The following SLC14A2 variants were observed in gnomAD, a reference collection of about 807,000 sequenced individuals.
SLC14A2 encodes solute carrier family 14 member 2.
In SLC14A2, 91 loss-of-function variants were observed where a neutral mutation model predicts 104.6. That is an observed-to-expected ratio of 0.87 (90% CI 0.73 to 1.04). The LOEUF (loss-of-function observed/expected upper bound fraction) is 1.04, where lower values mean the gene tolerates loss of function less well. Among genes scored for constraint, SLC14A2 ranks in the 50% least tolerant of loss-of-function variants. The probability of loss-of-function intolerance (pLI) is 0.00; values close to 1 mark genes in which losing one functional copy is unlikely to be tolerated. For missense variants in SLC14A2, 1,189 were observed against 1,156.0 expected (o/e 1.03, Z -0.41); for synonymous variants, 476 against 466.4 (o/e 1.02, Z -0.27).
Position 45,282,627 on chromosome 18 carries a change from C to T in SLC14A2, c.-125+69436C>T, listed in dbSNP as rs544446962. ...GGCCAGGCTTATCTACCCTGGAGCA[C>T]ATCTGCACATCTAGGAGACACCACC... On this transcript the variant is annotated intron_variant, in intron 1 of 20. Transcript: ENST00000586448. 2.0e-5 allele frequency among the ~76,000 whole-genome samples: 3 copies of T among 152,292 alleles called. No individual in the cohort carries two copies. In the South Asian group the frequency reaches 6.2e-4, roughly 32 times the overall value.
intron 1 of SLC14A2, among the ~76,000 whole-genome samples, chr18:45,409,856 T>C (rs919563736): frequency 1.2e-4 from 18 of 152,214 alleles, no homozygotes; most frequent in African/African-American, 4.3e-4. Context: ...GGTTTTAGGA[T>C]GATTCAAGCA....
chr18:45,261,840 C>A (rs2084541686), intron 1 of SLC14A2, among the ~76,000 whole-genome samples: 1 of 152,170 alleles, frequency 6.6e-6, no homozygotes, highest in Non-Finnish European at 1.5e-5. Context: ...CAAGTCTTTG[C>A]TATTGTGAAT....
At chr18:45,414,008 C>A (rs1223041981) in intron 1 of SLC14A2, among the ~76,000 whole-genome samples, 1 of 151,902 alleles carries the variant, frequency 6.6e-6, no homozygotes, top group Non-Finnish European at 1.5e-5. Flanking sequence ...ACCTGTGCCT[C>A]GTACAAAAAA....
intron 2 of SLC14A2, among the ~76,000 whole-genome samples, chr18:45,557,101 C>T (rs1029443096): frequency 6.6e-6 from 1 of 152,220 alleles, no homozygotes; most frequent in Non-Finnish European, 1.5e-5. Flanking sequence ...GCTTGTTGTA[C>T]AGTTCTCAGG....
intron 2 of SLC14A2, among the ~76,000 whole-genome samples, chr18:45,524,693 A>G (rs2043566342): frequency 6.6e-6 from 1 of 152,218 alleles, no homozygotes; most frequent in Admixed American, 6.5e-5. Flanking sequence ...GACAATCTTC[A>G]TGGAAAGAAC....
intron 1 of SLC14A2, among the ~76,000 whole-genome samples, chr18:45,315,564 C>T (rs1345331535): frequency 2.0e-5 from 3 of 152,078 alleles, no homozygotes; most frequent in African/African-American, 7.2e-5. Context: ...CCTGAGCAAC[C>T]CCCATCCCTA....
At chr18:45,328,079 G>GA (rs901998328) in intron 1 of SLC14A2, among the ~76,000 whole-genome samples, 50 of 151,178 alleles carry the variant, frequency 3.3e-4, no homozygotes, top group African/African-American at 6.8e-4. Context: ...CAAAGTGGAA[G>GA]AAAAAAAAAT....
the SLC14A2 span, among the ~76,000 whole-genome samples, chr18:45,206,209 A>C: frequency 6.6e-6 from 1 of 152,190 alleles, no homozygotes; most frequent in Non-Finnish European, 1.5e-5. Flanking sequence ...GTAGTGTTCC[A>C]TGTAGCCCCT....
At chr18:45,584,636 G>A (rs888789952) in intron 2 of SLC14A2, among the ~76,000 whole-genome samples, 1 of 152,170 alleles carries the variant, frequency 6.6e-6, no homozygotes, top group Non-Finnish European at 1.5e-5. Flanking sequence ...GCCTCAAGGT[G>A]GCGAATGTAG....
intron 2 of SLC14A2, among the ~76,000 whole-genome samples, chr18:45,540,479 A>G (rs2043868947): frequency 1.3e-5 from 2 of 152,166 alleles, no homozygotes; most frequent in Admixed American, 1.3e-4. Flanking sequence ...GCGGTGGCTC[A>G]TACCTGTAAT....
At chr18:45,254,937 G>A (rs539867147) in intron 1 of SLC14A2, among the ~76,000 whole-genome samples, 5 of 152,268 alleles carry the variant, frequency 3.3e-5, no homozygotes, top group African/African-American at 7.2e-5. Flanking sequence ...CATTTACTCC[G>A]ATTGATTCCA....
At chr18:45,444,612 G>A (rs1568207921) in intron 1 of SLC14A2, among the ~76,000 whole-genome samples, 1 of 152,224 alleles carries the variant, frequency 6.6e-6, no homozygotes, top group East Asian at 1.9e-4. Flanking sequence ...AGTGTGGAAA[G>A]GCACTATCAT....
At chr18:45,328,829 C>T (rs1207239862) in intron 1 of SLC14A2, among the ~76,000 whole-genome samples, 3 of 152,292 alleles carry the variant, frequency 2.0e-5, no homozygotes, top group South Asian at 2.1e-4. Context: ...TCTTATAATA[C>T]GTTCCAAACC....
At chr18:45,646,619 G>A (rs2045631233) in intron 10 of SLC14A2, 1 of 152,130 alleles carries the variant, frequency 6.6e-6, no homozygotes, top group South Asian at 2.1e-4. Flanking sequence ...TATTTCAGCT[G>A]ATTTGGACAA....
chr18:45,405,162 C>T (rs544573729), intron 1 of SLC14A2, among the ~76,000 whole-genome samples: 8 of 152,240 alleles, frequency 5.3e-5, no homozygotes, highest in Non-Finnish European at 8.8e-5. Context: ...GCAGAACACT[C>T]CCCAGGGCAG....
chr18:45,303,518 A>G (rs1291052647), intron 1 of SLC14A2, among the ~76,000 whole-genome samples: 1 of 152,238 alleles, frequency 6.6e-6, no homozygotes, highest in Non-Finnish European at 1.5e-5. Flanking sequence ...TCATGTGGAC[A>G]TTGCTGGGAA....
chr18:45,465,688 G>A (rs2087127948), intron 1 of SLC14A2, among the ~76,000 whole-genome samples: 1 of 152,106 alleles, frequency 6.6e-6, no homozygotes, highest in Non-Finnish European at 1.5e-5. Flanking sequence ...AAATCAGTCA[G>A]CTAGGAGCCC....
chr18:45,322,604 C>T (rs1197316445), intron 1 of SLC14A2, among the ~76,000 whole-genome samples: 2 of 152,240 alleles, frequency 1.3e-5, no homozygotes, highest in Non-Finnish European at 1.5e-5. Flanking sequence ...TGATCTACCA[C>T]CTCCTCTTCT....
intron 1 of SLC14A2, among the ~76,000 whole-genome samples, chr18:45,300,542 T>C (rs16978337): frequency 0.18 from 26,967 of 152,176 alleles, 2,771 homozygotes; most frequent in African/African-American, 0.28. Flanking sequence ...CAGAAAAAGT[T>C]CATTACCCAT....
Sources: allele counts gnomAD v4.1 joint callset (sites outside exome capture counted in the v4.1 genomes callset), GRCh38; gene constraint gnomAD v4.1.1; transcripts MANE v1.5; gene names NCBI Gene and HGNC (gene_info 2026-07-23, HGNC 2026-07-21).